NAV1: variants seen among roughly 807,000 people sequenced by gnomAD.
NAV1 encodes pore membrane and/or filament interacting like protein 3.
In NAV1, 18 loss-of-function variants were observed where a neutral mutation model predicts 175.2. That is an observed-to-expected ratio of 0.10 (90% CI 0.07 to 0.15). NAV1 has a LOEUF of 0.15. Ranked by LOEUF, NAV1 falls within the 10% of genes least tolerant of loss-of-function variation. The probability of loss-of-function intolerance (pLI) is 1.00; values close to 1 mark genes in which losing one functional copy is unlikely to be tolerated. For missense variants in NAV1, 1,731 were observed against 2,436.6 expected (o/e 0.71, Z 6.10); for synonymous variants, 897 against 978.7 (o/e 0.92, Z 1.56).
intron 1 of NAV1, among the ~76,000 whole-genome samples, chr1:201,655,110 G>A (rs1341226803): frequency 6.6e-6 from 1 of 152,154 alleles, no homozygotes; most frequent in African/African-American, 2.4e-5. Context: ...GATAGGAGAT[G>A]TCTGACCTGT....
intron 8 of NAV1, 73 bp downstream of exon 12, chr1:201,785,424 T>C: frequency 6.8e-7 from 1 of 1,462,292 alleles, no homozygotes; most frequent in South Asian, 1.2e-5. Context: ...TATCTCAACC[T>C]GTCCAAGGCT....
At chr1:201,732,154 G>A (rs902704902) in intron 3 of NAV1, among the ~76,000 whole-genome samples, 12 of 151,790 alleles carry the variant, frequency 7.9e-5, no homozygotes, top group African/African-American at 2.7e-4. Context: ...CTGTCACCCA[G>A]GCTGGGGTGC....
upstream of NAV1, among the ~76,000 whole-genome samples, chr1:201,647,093 C>A (rs568943338): frequency 2.6e-5 from 4 of 152,288 alleles, no homozygotes; most frequent in East Asian, 7.7e-4. Flanking sequence ...TCCACCTGGG[C>A]CTACCCCTCC....
intron 2 of NAV1, among the ~76,000 whole-genome samples, chr1:201,598,816 G>A (rs908586091): frequency 4.6e-5 from 7 of 152,206 alleles, no homozygotes; most frequent in Non-Finnish European, 8.8e-5. Flanking sequence ...CGGCCATGAG[G>A]AACCCGAGTC....
At chr1:201,675,986 A>G (rs1033363312) in intron 1 of NAV1, among the ~76,000 whole-genome samples, 12 of 152,118 alleles carry the variant, frequency 7.9e-5, no homozygotes, top group Admixed American at 5.2e-4. Flanking sequence ...AGCTCTTTTC[A>G]CTTCTAGTTC....
In NAV1 at chr1:201,782,223, A is replaced by C. The variant is rs1676371454; in HGVS notation, c.1711A>C (p.Asn571His). ...AGACAAGGGTAAGCTTGCAGTGAAG[A>C]ATACTGGGCTCCAACGCTCCTCCTC... is the stretch of plus-strand genomic sequence containing the variant. The change falls in exon 6 of 30, where the codon AAT (asparagine) becomes CAT (histidine). Residue 571 changes from asparagine to histidine, a missense_variant. Physicochemically the swap from Asn to His is moderately conservative, Grantham distance 68. This residue lies in a region of NAV1 where 634 missense variants were observed against 766.8 expected (regional missense o/e 0.83). Transcript: ENST00000367296. This position sits in a 1 kb window ranked among gnomAD's most constrained non-coding sequence, Gnocchi z 5.4. 1 of 1,612,312 alleles carries C rather than the reference A, an allele frequency of 6.2e-7. No homozygotes were observed. The highest frequency in any genetic ancestry group is 1.7e-5 in the Admixed American group (1 of 59,570).
chr1:201,682,002 G>A (rs1300872504), intron 1 of NAV1, among the ~76,000 whole-genome samples: 4 of 151,870 alleles, frequency 2.6e-5, no homozygotes, highest in Non-Finnish European at 4.4e-5. Flanking sequence ...CGTAATCCCA[G>A]CTACTTGGGA....
At chr1:201,674,554 T>A (rs1670170469) in intron 1 of NAV1, among the ~76,000 whole-genome samples, 1 of 152,168 alleles carries the variant, frequency 6.6e-6, no homozygotes, top group African/African-American at 2.4e-5. Context: ...AAAAGAGGTT[T>A]AATTGGCTCA....
intron 13 of NAV1, chr1:201,793,585 T>G: frequency 3.7e-6 from 2 of 540,348 alleles, no homozygotes; most frequent in Non-Finnish European, 6.7e-6. Context: ...GGCTTCATTA[T>G]TCAAGAAGCT....
chr1:201,553,859 G>A lies in NAV1; in HGVS notation c.-144+14517G>A, dbSNP rs142156913. Among the ~76,000 whole-genome samples, 127 of 152,244 alleles carry A rather than the reference G, an allele frequency of 8.3e-4. 1 individual carries two copies. In the South Asian group the frequency reaches 0.019, roughly 23 times the overall value. On this transcript the variant is annotated intron_variant, in intron 1 of 33. Transcript: ENST00000685211. ...TATTTTGCTTCTTTTAATTTCTGAC[G>A]TATGAATGTGCCACAGTTTGTTTAT... is the stretch of plus-strand genomic sequence containing the variant.
At chr1:201,544,384 A>G (rs1190835783) in intron 1 of NAV1, among the ~76,000 whole-genome samples, 1 of 152,212 alleles carries the variant, frequency 6.6e-6, no homozygotes, top group African/African-American at 2.4e-5. Context: ...CCTGATTTTA[A>G]AATCCATTTG....
At position 201,804,501 on chromosome 1, in the gene NAV1, A is replaced by C; in HGVS notation, c.3648+4A>C. The stretch of plus-strand genomic sequence containing the variant: ...TATTTTTTTCCAGGTCTATGAGGTA[A>C]GAGACCCAGTTCCTATCCCCTTATT... On this transcript the variant is annotated splice_donor_region_variant and intron_variant, in intron 17 of 29. Coordinates refer to ENST00000367296, the Ensembl canonical transcript of NAV1. 6.5e-7 allele frequency: 1 copy of C among 1,547,878 alleles called. No individual in the cohort carries two copies. The highest frequency in any genetic ancestry group is 8.7e-7 in the Non-Finnish European group (1 of 1,145,824).
chr1:201,708,444 A>ACACG (rs1446266243), intron 1 of NAV1, among the ~76,000 whole-genome samples: 11 of 149,866 alleles, frequency 7.3e-5, no homozygotes. Context: ...TTGCGCGCAC[A>ACACG]CACACACACA....
At chr1:201,741,784 T>G (rs754289173) in intron 3 of NAV1, among the ~76,000 whole-genome samples, 2 of 152,180 alleles carry the variant, frequency 1.3e-5, no homozygotes, top group Non-Finnish European at 2.9e-5. Flanking sequence ...TGAATTGATA[T>G]TCTCCCCGCC....
chr1:201,786,839 T>C (rs1021415043), intron 9 of NAV1, among the ~76,000 whole-genome samples: 4 of 152,156 alleles, frequency 2.6e-5, no homozygotes, highest in Admixed American at 2.6e-4. Flanking sequence ...GGAAAAGCTG[T>C]AACCCAAAGC....
At chr1:201,680,353 AAAATT>A (rs949620677) in intron 1 of NAV1, among the ~76,000 whole-genome samples, 2 of 152,090 alleles carry the variant, frequency 1.3e-5, no homozygotes, top group African/African-American at 4.8e-5. Context: ...CTAAAAATAC[AAAATT>A]AGCCAGGCAT....
In NAV1 at chr1:201,804,009, G is replaced by A. The variant is rs183147408; in HGVS notation, c.3639+295G>A. On this transcript the variant is annotated intron_variant, in intron 16 of 29. Coordinates refer to ENST00000367296, the Ensembl canonical transcript of NAV1. ...CAGAAGGATGCTGAGGATATACTCAGAAGGAAACATCTTATCAGTTCTGTC... is the reference window on the plus strand; with the variant it reads ...CAGAAGGATGCTGAGGATATACTCAAAAGGAAACATCTTATCAGTTCTGTC... The A allele has an allele frequency of 1.6e-4, 81 of 513,750 alleles. 1 individual carries two copies. The highest frequency in any genetic ancestry group is 1.3e-4 in the Non-Finnish European group (34 of 264,250). The allele number at this position is 513,750 out of a possible 1,614,324, so 31.8% of individuals were successfully genotyped here.
chr1:201,810,824 C>A lies in NAV1; in HGVS notation c.4797+66C>A. The stretch of plus-strand genomic sequence containing the variant: ...CTCAGCCTTCCCTAAGACCCTTCCT[C>A]GGCCCCTTCCTGCCTCATTGTTCCC... On this transcript the variant is annotated intron_variant, in intron 24 of 29. Transcript: ENST00000367296. The surrounding 1 kb of genome is among the most constrained non-coding windows in gnomAD (Gnocchi z 6.0). 1.6e-6 allele frequency: 2 copies of A among 1,217,204 alleles called. No homozygotes were observed. The highest frequency in any genetic ancestry group is 1.3e-5 in the South Asian group (1 of 75,242). 75.4% of individuals were successfully genotyped at this position (1,217,204 alleles called of 1,614,324 possible). A position where few individuals can be genotyped will look rare whatever the true frequency, so the allele number is the denominator to read the frequency against.
chr1:201,793,677 T>C, intron 13 of NAV1, 115 bp from the exon 18 acceptor site: 1 of 840,490 alleles, frequency 1.2e-6, no homozygotes, highest in South Asian at 1.7e-5. Flanking sequence ...AGAGGTTTGC[T>C]GGCATTGGTC....
Sources: allele counts gnomAD v4.1 joint callset (sites outside exome capture counted in the v4.1 genomes callset), GRCh38; gene constraint gnomAD v4.1.1; regional missense constraint gnomAD v4.1.1; non-coding constraint Gnocchi (gnomAD v3.1); transcripts MANE v1.5; gene names NCBI Gene and HGNC (gene_info 2026-07-23, HGNC 2026-07-21).